TAB1: variants seen among roughly 807,000 people sequenced by gnomAD.
The protein encoded by TAB1 is TGF-beta-activated kinase 1 and MAP3K7-binding protein 1.
In TAB1, 30 loss-of-function variants were observed where a neutral mutation model predicts 54.5. The ratio of observed to expected loss-of-function variants is 0.55; its 90% CI spans 0.41 to 0.75. The LOEUF (loss-of-function observed/expected upper bound fraction) is 0.75, where lower values mean the gene tolerates loss of function less well. Among genes scored for constraint, TAB1 ranks in the 30% least tolerant of loss-of-function variants. The pLI is 0.00. For synonymous variants in TAB1, 289 were observed against 286.9 expected, an observed-to-expected ratio of 1.01 and a Z score of -0.07; for missense variants, 609 against 683.2, an observed-to-expected ratio of 0.89 and a Z score of 1.21.
chr22:39,416,464 G>A (rs1926838102), intron 3 of TAB1, among the ~76,000 whole-genome samples: 1 of 152,228 alleles, frequency 6.6e-6, no homozygotes, highest in Non-Finnish European at 1.5e-5. Context: ...AGACTGAGGG[G>A]GCCAGAGGTC....
rs143301272 is a variant in TAB1 at position 39,422,295 on chromosome 22, A to G, written c.921+324A>G. ...GCCAGGGCCAGGAGGAGAGCACAGA[A>G]AGAGATGTGCAGAGTCCTTCCCACA... On this transcript the variant is annotated intron_variant, in intron 8 of 10. Coordinates refer to ENST00000216160, the MANE Select transcript of TAB1 (RefSeq NM_006116.3). Among the ~76,000 whole-genome samples, 84 of 152,180 alleles carry G rather than the reference A, an allele frequency of 5.5e-4. No homozygotes were observed. In the East Asian group the frequency reaches 9.1e-3, roughly 16 times the overall value.
chr22:39,408,644 A>C (rs1926480259), intron 1 of TAB1, among the ~76,000 whole-genome samples: 1 of 152,170 alleles, frequency 6.6e-6, no homozygotes, highest in African/African-American at 2.4e-5. Flanking sequence ...CTGAGACTAC[A>C]GGCGCTTGCC....
downstream of TAB1, chr22:39,432,797 T>G (rs1033835024): frequency 1.0e-6 from 1 of 985,350 alleles, no homozygotes; most frequent in African/African-American, 1.7e-5. Flanking sequence ...CACTGTTGAC[T>G]TTATGTCCCC....
chr22:39,427,275 A>T (rs1334284256), intron 9 of TAB1, among the ~76,000 whole-genome samples: 1 of 152,170 alleles, frequency 6.6e-6, no homozygotes, highest in Non-Finnish European at 1.5e-5. Context: ...TTCAGTCCTC[A>T]TGGGCAACCC....
At chr22:39,420,644 T>TATAC (rs2145673741) in intron 7 of TAB1, among the ~76,000 whole-genome samples, 1 of 152,304 alleles carries the variant, frequency 6.6e-6, no homozygotes. Flanking sequence ...CAGACAGTGC[T>TATAC]GGGGTCTATA....
In TAB1 at chr22:39,415,387, C is replaced by T. The variant is rs2145667309; in HGVS notation, c.171-113C>T. ...GCTAAAGCAGGGGGACCCAGGAGGG[C>T]CCCTGAAGCTGCAGCTGCTGTCGCT... On this transcript the variant is annotated intron_variant, in intron 2 of 10. Transcript: ENST00000216160. The surrounding 1 kb of genome is among the most constrained non-coding windows in gnomAD (Gnocchi z 4.9). 7.6e-7 allele frequency: 1 copy of T among 1,309,048 alleles called. No individual in the cohort carries two copies. Among genetic ancestry groups the T allele is most frequent in the Non-Finnish European group, 1.1e-6 (1 of 936,358 alleles). 81.1% of individuals were successfully genotyped at this position (1,309,048 alleles called of 1,614,324 possible). A position where few individuals can be genotyped will look rare whatever the true frequency, so the allele number is the denominator to read the frequency against.
chr22:39,433,765 C>G, downstream of TAB1: 1 of 985,436 alleles, frequency 1.0e-6, no homozygotes, highest in Non-Finnish European at 1.2e-6. Flanking sequence ...CTCCAGGCTG[C>G]TCAGACATCA....
rs567282715 is a variant in TAB1, at chr22:39,421,696, C to T, written c.777-131C>T. 165 of 1,001,874 alleles carry T rather than the reference C, an allele frequency of 1.6e-4. No homozygotes were observed. In the African/African-American group the frequency reaches 2.4e-3, roughly 15 times the overall value. The allele number at this position is 1,001,874 out of a possible 1,614,324, so 62.1% of individuals were successfully genotyped here. On this transcript the variant is annotated intron_variant, in intron 7 of 10. Coordinates refer to ENST00000216160, the MANE Select transcript of TAB1 (RefSeq NM_006116.3). ...TATTTTTCTGACCTTCTCTTTCTCT[C>T]TTTTCTTTTCCTCTTGTCAGGTTGT...
chr22:39,405,532 C>T (rs1316718753), intron 1 of TAB1, among the ~76,000 whole-genome samples: 1 of 152,214 alleles, frequency 6.6e-6, no homozygotes, highest in Non-Finnish European at 1.5e-5. Context: ...ACTCTTGCTC[C>T]CTGCGCTCCA....
rs1173033173 is a variant in TAB1 at position 39,418,765 on chromosome 22, T to C, written c.584T>C (p.Val195Ala). ...CGTGCACTTTTATGCAAATCGACAG[T>C]GGATGGGTTGCAGGTGACACAGCTG... ...TNRALLCKST[V>A]DGLQVTQLNV... Residue 195 changes from valine to alanine, a missense_variant, in exon 6 of 11, where the codon GTG (valine) becomes GCG (alanine). Val to Ala is a moderately conservative substitution (Grantham distance 64, BLOSUM62 0). Transcript: ENST00000216160. 2 of 1,613,952 alleles carry C rather than the reference T, an allele frequency of 1.2e-6. No individual in the cohort carries two copies. Among genetic ancestry groups the C allele is most frequent in the Non-Finnish European group, 1.7e-6 (2 of 1,179,982 alleles).
intron 7 of TAB1, 148 bp downstream of exon 7, chr22:39,419,778 C>A (rs1279150772): frequency 7.2e-5 from 32 of 445,662 alleles, no homozygotes; most frequent in Non-Finnish European, 1.1e-4. Flanking sequence ...CAGAGCAAGA[C>A]CCTGTCTCAA....
intron 10 of TAB1, 75 bp from the exon 11 acceptor site, chr22:39,429,940 C>G: frequency 6.3e-7 from 1 of 1,587,676 alleles, no homozygotes; most frequent in Non-Finnish European, 8.6e-7. Context: ...AGGCAGGGGC[C>G]ATTCTGTCCC....
Position 39,417,866 on chromosome 22 carries a change from C to A in TAB1, c.550+17C>A. 1 of 1,593,428 alleles carries A rather than the reference C, an allele frequency of 6.3e-7. No individual in the cohort carries two copies. On this transcript the variant is annotated intron_variant, in intron 5 of 10. Coordinates refer to ENST00000216160, the MANE Select transcript of TAB1 (RefSeq NM_006116.3). Reference sequence around the variant, plus strand: ...CCAATGTCGGTGAGCCCCCTCCTGTCCCAGGGCAGGGAGGACTGGGGAGAG... The same window carrying A: ...CCAATGTCGGTGAGCCCCCTCCTGTACCAGGGCAGGGAGGACTGGGGAGAG...
chr22:39,418,886 C>A, intron 6 of TAB1, 41 bp downstream of exon 6: 2 of 1,512,594 alleles, frequency 1.3e-6, no homozygotes, highest in Non-Finnish European at 1.8e-6. Flanking sequence ...TCCCCATGGG[C>A]TCACCCTTCG....
downstream of TAB1, among the ~76,000 whole-genome samples, chr22:39,436,311 AAGG>A (rs1490668095): frequency 6.6e-6 from 1 of 152,172 alleles, no homozygotes; most frequent in East Asian, 1.9e-4. Context: ...GAAAAAAAAA[AAGG>A]AGTTCTAACT....
chr22:39,409,497 A>G (rs1240121332), intron 1 of TAB1, among the ~76,000 whole-genome samples: 1 of 152,190 alleles, frequency 6.6e-6, no homozygotes, highest in Non-Finnish European at 1.5e-5. Context: ...ATTTGCAAAC[A>G]CGGCATGGAG....
downstream of TAB1, chr22:39,436,792 C>A (rs1382646323): frequency 1.7e-6 from 1 of 574,860 alleles, no homozygotes; most frequent in Non-Finnish European, 3.1e-6. Flanking sequence ...CATCTTCTTT[C>A]CAGGGACTTA....
intron 1 of TAB1, among the ~76,000 whole-genome samples, chr22:39,400,173 G>T (rs765892278): frequency 2.6e-5 from 4 of 152,186 alleles, no homozygotes; most frequent in Non-Finnish European, 5.9e-5. Context: ...GACGTGCAAT[G>T]ATAATAACAG....
At chr22:39,423,680 A>AG (rs1158502993) in intron 8 of TAB1, among the ~76,000 whole-genome samples, 2 of 151,964 alleles carry the variant, frequency 1.3e-5, no homozygotes, top group African/African-American at 4.8e-5. Flanking sequence ...GTAGCTTTTG[A>AG]GGTACCAGTA....
Sources: allele counts gnomAD v4.1 joint callset (sites outside exome capture counted in the v4.1 genomes callset), GRCh38; gene constraint gnomAD v4.1.1; non-coding constraint Gnocchi (gnomAD v3.1); transcripts MANE v1.5; gene names NCBI Gene and HGNC (gene_info 2026-07-23, HGNC 2026-07-21).